The following KCNT2 variants were observed in gnomAD, a reference collection of about 807,000 sequenced individuals.
KCNT2 encodes the protein potassium sodium-activated channel subfamily T member 2.
Under a neutral mutation model 153.8 loss-of-function variants are expected in KCNT2, and 67 were observed. That is an observed-to-expected ratio of 0.44 (90% CI 0.36 to 0.53). The LOEUF is 0.53. Among genes scored for constraint, KCNT2 ranks in the 20% least tolerant of loss-of-function variants. The pLI, the probability that KCNT2 is intolerant of heterozygous loss-of-function variation, is 0.00. For synonymous variants in KCNT2, 500 were observed against 458.8 expected, an observed-to-expected ratio of 1.09 and a Z score of -1.15; for missense variants, 975 against 1,354.8, an observed-to-expected ratio of 0.72 and a Z score of 4.40.
intron 25 of KCNT2, among the ~76,000 whole-genome samples, chr1:196,274,861 A>C (rs1287232311): frequency 6.6e-6 from 1 of 151,846 alleles, no homozygotes; most frequent in Non-Finnish European, 1.5e-5. Flanking sequence ...GGAAAACTGG[A>C]GGCAAACATA....
intron 1 of KCNT2, among the ~76,000 whole-genome samples, chr1:196,519,289 C>T (rs1289915061): frequency 6.6e-6 from 1 of 151,974 alleles, no homozygotes; most frequent in Non-Finnish European, 1.5e-5. Flanking sequence ...TGAGACACAG[C>T]TAAGGCAGTG....
At chr1:196,430,365 C>T in intron 8 of KCNT2, among the ~76,000 whole-genome samples, 1 of 150,302 alleles carries the variant, frequency 6.7e-6, no homozygotes, top group Non-Finnish European at 1.5e-5. Context: ...GAATGGGCTC[C>T]CTCACAAGAT....
At chr1:196,433,603 C>T (rs1382323236) in intron 8 of KCNT2, among the ~76,000 whole-genome samples, 2 of 151,940 alleles carry the variant, frequency 1.3e-5, no homozygotes, top group African/African-American at 4.8e-5. Context: ...TATATTATGT[C>T]CCCATAAAGC....
chr1:196,504,112 T>G (rs532225625), intron 1 of KCNT2, among the ~76,000 whole-genome samples: 3 of 152,252 alleles, frequency 2.0e-5, no homozygotes, highest in Non-Finnish European at 4.4e-5. Context: ...ACTTTAAGTT[T>G]TAGGGTACAT....
chr1:196,479,245 G>A lies in KCNT2; in HGVS notation c.325-7C>T. ...TTATCAATGCCACTGAAACCTGAAA[G>A]ATAAATTGTAACTTAATGAGAAAAC... On this transcript the variant is annotated splice_polypyrimidine_tract_variant and splice_region_variant and intron_variant, in intron 4 of 27. Coordinates refer to ENST00000294725, the MANE Select transcript of KCNT2 (RefSeq NM_198503.5). 6.5e-7 allele frequency: 1 copy of A among 1,532,842 alleles called. No homozygotes were observed. The allele number at this position is 1,532,842 out of a possible 1,614,324, so 95.0% of individuals were successfully genotyped here.
intron 1 of KCNT2, among the ~76,000 whole-genome samples, chr1:196,563,677 G>A (rs891897822): frequency 9.2e-5 from 14 of 151,638 alleles, no homozygotes; most frequent in South Asian, 2.1e-4. Flanking sequence ...ATAACCAAGC[G>A]GTATTTATCC....
At chr1:196,367,147 C>A (rs1668110251) in intron 14 of KCNT2, among the ~76,000 whole-genome samples, 1 of 152,020 alleles carries the variant, frequency 6.6e-6, no homozygotes, top group Admixed American at 6.6e-5. Flanking sequence ...AGATAAATTT[C>A]TTTATCATAC....
chr1:196,317,373 A>T (rs1415133691), intron 20 of KCNT2: 1 of 320,600 alleles, frequency 3.1e-6, no homozygotes. Flanking sequence ...ATGCCTAGGG[A>T]TACTTGGGTC....
At chr1:196,449,072 G>GCAAA (rs1004705756) in intron 8 of KCNT2, among the ~76,000 whole-genome samples, 4 of 151,442 alleles carry the variant, frequency 2.6e-5, no homozygotes, top group African/African-American at 4.8e-5. Context: ...TTAGAGAAAG[G>GCAAA]CAAACAAACA....
chr1:196,273,437 G>A (rs1293401689), intron 25 of KCNT2: 5 of 1,470,946 alleles, frequency 3.4e-6, no homozygotes, highest in South Asian at 1.2e-5. Flanking sequence ...TACACCATTT[G>A]AGGAAAGGGA....
At chr1:196,372,554 C>A (rs1228649671) in intron 14 of KCNT2, among the ~76,000 whole-genome samples, 2 of 151,884 alleles carry the variant, frequency 1.3e-5, no homozygotes, top group Non-Finnish European at 2.9e-5. Flanking sequence ...TCATAAAACT[C>A]TATCAAAATA....
At chr1:196,338,000 A>G (rs1187586778) in intron 16 of KCNT2, among the ~76,000 whole-genome samples, 4 of 152,132 alleles carry the variant, frequency 2.6e-5, no homozygotes, top group African/African-American at 7.2e-5. Context: ...TAGGTACTCA[A>G]TAAATACTAT....
chr1:196,238,174 C>A (rs1330093549), intron 26 of KCNT2, among the ~76,000 whole-genome samples: 3 of 151,948 alleles, frequency 2.0e-5, no homozygotes, highest in Admixed American at 6.6e-5. Flanking sequence ...CAACACCTAG[C>A]CTTTATCCTT....
chr1:196,409,048 A>G (rs1311078385), intron 12 of KCNT2, among the ~76,000 whole-genome samples: 1 of 150,136 alleles, frequency 6.7e-6, no homozygotes, highest in Non-Finnish European at 1.5e-5. Flanking sequence ...TTTTTTTTAT[A>G]TGAAGCACAC....
intron 8 of KCNT2, among the ~76,000 whole-genome samples, chr1:196,462,488 C>T (rs1250625070): frequency 6.6e-6 from 1 of 151,308 alleles, no homozygotes; most frequent in African/African-American, 2.4e-5. Context: ...CAGTGGTTCC[C>T]TCTTATAGTT....
chr1:196,440,410 G>T (rs1675122668), intron 8 of KCNT2, among the ~76,000 whole-genome samples: 1 of 151,706 alleles, frequency 6.6e-6, no homozygotes, highest in Non-Finnish European at 1.5e-5. Flanking sequence ...TTTTTTTATT[G>T]CACTAATATT....
intron 1 of KCNT2, among the ~76,000 whole-genome samples, chr1:196,537,688 C>T (rs1054153798): frequency 4.6e-5 from 7 of 152,284 alleles, no homozygotes; most frequent in Non-Finnish European, 8.8e-5. Context: ...TGTCCTTCCC[C>T]GACTTGGGCA....
chr1:196,313,588 G>T (rs557763014), intron 21 of KCNT2, among the ~76,000 whole-genome samples: 3 of 151,482 alleles, frequency 2.0e-5, no homozygotes, highest in Non-Finnish European at 4.4e-5. Context: ...TTATATCATA[G>T]AAACCTATAA....
chr1:196,328,957 C>CA (rs1664165170), intron 18 of KCNT2, among the ~76,000 whole-genome samples: 1 of 152,066 alleles, frequency 6.6e-6, no homozygotes, highest in African/African-American at 2.4e-5. Flanking sequence ...AGAAAGAGAT[C>CA]ATGCATGCAA....
Sources: allele counts gnomAD v4.1 joint callset (sites outside exome capture counted in the v4.1 genomes callset), GRCh38; gene constraint gnomAD v4.1.1; transcripts MANE v1.5; gene names NCBI Gene and HGNC (gene_info 2026-07-23, HGNC 2026-07-21).